Variants in BORA observed in about 807,000 individuals in gnomAD.
The protein encoded by BORA is protein aurora borealis.
BORA carries 26 observed loss-of-function variants against 55.8 expected under a neutral mutation model. The ratio of observed to expected loss-of-function variants is 0.47; its 90% CI spans 0.34 to 0.65. The LOEUF (loss-of-function observed/expected upper bound fraction) is 0.65, where lower values mean the gene tolerates loss of function less well. BORA is among the 30% of genes least tolerant of loss of function. The pLI, the probability that BORA is intolerant of heterozygous loss-of-function variation, is 0.01. For synonymous variants in BORA, 201 were observed against 216.9 expected, an observed-to-expected ratio of 0.93 and a Z score of 0.64; for missense variants, 568 against 671.5, an observed-to-expected ratio of 0.85 and a Z score of 1.70.
chr13:72,742,643 C>G (rs1188047635), intron 5 of BORA, among the ~76,000 whole-genome samples: 2 of 151,840 alleles, frequency 1.3e-5, no homozygotes. Context: ...ATTACTATTT[C>G]AAAGAGATAC....
Position 72,756,180 on chromosome 13 carries a change from A to ATTCATATGTACCCTTAGGAAAT in BORA, c.*964_*965insTTCATATGTACCCTTAGGAAAT. 4 of 366,076 alleles carry ATTCATATGTACCCTTAGGAAAT rather than the reference A, an allele frequency of 1.1e-5. No homozygotes were observed. The highest frequency in any genetic ancestry group is 1.5e-5 in the Non-Finnish European group (3 of 206,710). The allele number at this position is 366,076 out of a possible 1,614,324, so 22.7% of individuals were successfully genotyped here. On this transcript the variant is annotated 3_prime_UTR_variant, in exon 12 of 12. Coordinates refer to ENST00000390667, the MANE Select transcript of BORA (RefSeq NM_024808.5). Reference sequence around the variant, plus strand: ...AAACTGTCTCATTCAAAAGGGAATAAAGACCTGTGTTATCAATGTGTCATT... The same window carrying ATTCATATGTACCCTTAGGAAAT: ...AAACTGTCTCATTCAAAAGGGAATAATTCATATGTACCCTTAGGAAATAGACCTGTGTTATCAATGTGTCATT...
intron 4 of BORA, among the ~76,000 whole-genome samples, chr13:72,737,011 C>G (rs1674718604): frequency 6.7e-6 from 1 of 150,082 alleles, no homozygotes; most frequent in Non-Finnish European, 1.5e-5. Context: ...GAATCTTTTC[C>G]TCTTAGATTC....
intron 5 of BORA, among the ~76,000 whole-genome samples, chr13:72,743,048 C>CG (rs1566224545): frequency 2.0e-5 from 3 of 151,964 alleles, no homozygotes; most frequent in Admixed American, 2.0e-4. Context: ...TCAAAGGGTA[C>CG]AAAGTTTCAG....
rs145731425 is a variant in BORA, at chr13:72,750,324, C to T, written c.1482+3213C>T. On this transcript the variant is annotated intron_variant, in intron 10 of 11. Transcript: ENST00000390667. ...GAAAAGTAATTAATAACTGAACAGC[C>T]TCAAGGTGAATGGAAGGAAGGTTAA... 8.5e-3 allele frequency among the ~76,000 whole-genome samples: 1,301 copies of T among 152,220 alleles called. 11 individuals are homozygous for T. The highest frequency in any genetic ancestry group is 0.013 in the Non-Finnish European group (918 of 68,008).
At chr13:72,745,888 A>T (rs549317037) in intron 8 of BORA, 56 bp from the exon 9 acceptor site, 4 of 1,465,936 alleles carry the variant, frequency 2.7e-6, no homozygotes, top group Non-Finnish European at 3.7e-6. Context: ...AGCATGCAGC[A>T]TAAGAGTTAA....
chr13:72,730,901 A>C lies in BORA; in HGVS notation c.154-380A>C, dbSNP rs1383624500. ...CCCCATCTCTACTAAAAAAAAAAAA[A>C]AAAAAAAAATACAAAAATTAGCTGG... On this transcript the variant is annotated intron_variant, in intron 2 of 11. Transcript: ENST00000390667. Among the ~76,000 whole-genome samples the C allele has an allele frequency of 2.4e-4, 28 of 118,816 alleles. 1 individual carries two copies. The highest frequency in any genetic ancestry group is 6.5e-4 in the African/African-American group (24 of 36,748). 77.9% of individuals were successfully genotyped at this position (118,816 alleles called of 152,430 possible).
At position 72,727,987 on chromosome 13, in the gene BORA, G is replaced by T. The variant is rs1452940444; in HGVS notation, c.-36G>T. 3 of 1,547,754 alleles carry T rather than the reference G, an allele frequency of 1.9e-6. No homozygotes were observed. Among genetic ancestry groups the T allele is most frequent in the Non-Finnish European group, 1.7e-6 (2 of 1,146,328 alleles). On this transcript the variant is annotated 5_prime_UTR_variant, in exon 1 of 12. Transcript: ENST00000390667. The stretch of plus-strand genomic sequence containing the variant: ...GGAGCTCCCTGGAGTCGGTACTGGG[G>T]GCTTCGTTTTGTACGCACCGGTAGG...
At chr13:72,734,268 T>C (rs1488407955) in intron 3 of BORA, among the ~76,000 whole-genome samples, 3 of 152,166 alleles carry the variant, frequency 2.0e-5, no homozygotes. Context: ...AATTTACTGA[T>C]GGAAGGCAAG....
At chr13:72,740,771 G>A (rs2033019396) in intron 5 of BORA, among the ~76,000 whole-genome samples, 1 of 152,112 alleles carries the variant, frequency 6.6e-6, no homozygotes, top group Admixed American at 6.5e-5. Context: ...TAGGTGAAAG[G>A]CCAGATTTGC....
intron 10 of BORA, among the ~76,000 whole-genome samples, chr13:72,750,959 T>C (rs771389253): frequency 6.6e-6 from 1 of 152,284 alleles, no homozygotes; most frequent in Admixed American, 6.5e-5. Context: ...GGCGCGAGCA[T>C]GGCATTAAAG....
intron 5 of BORA, among the ~76,000 whole-genome samples, chr13:72,739,708 G>A (rs760893349): frequency 6.6e-6 from 1 of 152,108 alleles, no homozygotes; most frequent in Non-Finnish European, 1.5e-5. Context: ...AGCCACCTGG[G>A]TATTTTAATT....
intron 3 of BORA, among the ~76,000 whole-genome samples, chr13:72,734,294 TGG>T (rs386772232): frequency 0.013 from 1,963 of 152,282 alleles, 48 homozygotes; most frequent in African/African-American, 0.045. Flanking sequence ...TTTCCTGTAA[TGG>T]AATAAAGAAG....
intron 4 of BORA, among the ~76,000 whole-genome samples, chr13:72,735,268 A>G (rs1160644149): frequency 6.6e-6 from 1 of 152,138 alleles, no homozygotes; most frequent in Non-Finnish European, 1.5e-5. Context: ...TTTTTTGGCC[A>G]ATACTGTACT....
chr13:72,732,967 A>T (rs140982623), intron 3 of BORA, among the ~76,000 whole-genome samples: 10 of 152,364 alleles, frequency 6.6e-5, no homozygotes, highest in African/African-American at 2.4e-4. Context: ...GTTGTAACAC[A>T]GTGCTTCTGT....
chr13:72,751,775 A>G (rs1443759826), intron 10 of BORA, among the ~76,000 whole-genome samples: 2 of 152,236 alleles, frequency 1.3e-5, no homozygotes, highest in African/African-American at 4.8e-5. Context: ...GTTTGAGTTA[A>G]TGGATATGCT....
At chr13:72,749,826 C>G (rs1347860761) in intron 10 of BORA, among the ~76,000 whole-genome samples, 1 of 152,096 alleles carries the variant, frequency 6.6e-6, no homozygotes, top group African/African-American at 2.4e-5. Context: ...TCATTGACAA[C>G]TTATTGATTA....
Position 72,749,188 on chromosome 13 carries a change from T to C in BORA, c.1482+2077T>C, listed in dbSNP as rs148479302. 1.5e-3 allele frequency among the ~76,000 whole-genome samples: 226 copies of C among 152,338 alleles called. 1 individual carries two copies. Among genetic ancestry groups the C allele is most frequent in the African/African-American group, 4.9e-3 (204 of 41,584 alleles). Reference sequence around the variant, plus strand: ...AGAGTTCAGAAATGTCCTTCAGAGTTTGAAGGCATTGCTTCCATTTCAGTG... The same window carrying C: ...AGAGTTCAGAAATGTCCTTCAGAGTCTGAAGGCATTGCTTCCATTTCAGTG... On this transcript the variant is annotated intron_variant, in intron 10 of 11. Coordinates refer to ENST00000390667, the MANE Select transcript of BORA (RefSeq NM_024808.5).
At chr13:72,728,316 C>T (rs2138031815) in intron 1 of BORA, 1 of 618,936 alleles carries the variant, frequency 1.6e-6, no homozygotes, top group Non-Finnish European at 2.9e-6. Context: ...CTTTCTATCC[C>T]GGGAGGGGTG....
chr13:72,747,625 C>T (rs947396350), intron 10 of BORA, among the ~76,000 whole-genome samples: 4 of 152,024 alleles, frequency 2.6e-5, no homozygotes, highest in Admixed American at 2.0e-4. Context: ...CCTCCACCTT[C>T]TGGGTTCAAG....
Sources: allele counts gnomAD v4.1 joint callset (sites outside exome capture counted in the v4.1 genomes callset), GRCh38; gene constraint gnomAD v4.1.1; transcripts MANE v1.5; gene names NCBI Gene and HGNC (gene_info 2026-07-23, HGNC 2026-07-21).